The following MGMT variants were observed in gnomAD, a reference collection of about 807,000 sequenced individuals.
The protein encoded by MGMT is methylated-DNA--protein-cysteine methyltransferase.
Under a neutral mutation model 15.9 loss-of-function variants are expected in MGMT, and 14 were observed. The ratio of observed to expected loss-of-function variants is 0.88; its 90% CI spans 0.58 to 1.37. MGMT has a LOEUF of 1.37. MGMT is among the 40% of genes most tolerant of loss of function. MGMT has a pLI of 0.00. For synonymous variants in MGMT, 130 were observed against 118.2 expected, an observed-to-expected ratio of 1.10 and a Z score of -0.65; for missense variants, 282 against 268.1, an observed-to-expected ratio of 1.05 and a Z score of -0.36.
chr10:129,498,330 C>T (rs1403799117), intron 1 of MGMT, among the ~76,000 whole-genome samples: 1 of 152,090 alleles, frequency 6.6e-6, no homozygotes, highest in African/African-American at 2.4e-5. Flanking sequence ...ATTTTGAGAC[C>T]ATTTTGGTTC....
intron 2 of MGMT, among the ~76,000 whole-genome samples, chr10:129,611,480 C>T (rs1437617727): frequency 2.6e-5 from 4 of 152,228 alleles, no homozygotes; most frequent in African/African-American, 9.6e-5. Flanking sequence ...CAGGACCCTT[C>T]TCCAAGACTG....
At chr10:129,515,074 C>T (rs543120953) in intron 1 of MGMT, among the ~76,000 whole-genome samples, 5 of 152,336 alleles carry the variant, frequency 3.3e-5, no homozygotes, top group South Asian at 2.1e-4. Context: ...GCCCCTTCTC[C>T]GCTCCTCAGC....
intron 2 of MGMT, among the ~76,000 whole-genome samples, chr10:129,577,718 G>A (rs1846501782): frequency 6.6e-6 from 1 of 152,130 alleles, no homozygotes; most frequent in Non-Finnish European, 1.5e-5. Flanking sequence ...CTTCTGCACA[G>A]CAAAAGAAAC....
At chr10:129,500,588 G>A (rs377339350) in intron 1 of MGMT, among the ~76,000 whole-genome samples, 1 of 152,112 alleles carries the variant, frequency 6.6e-6, no homozygotes, top group Non-Finnish European at 1.5e-5. Context: ...TTGAGATAGA[G>A]TCTGGCTCTG....
chr10:129,560,505 A>G (rs1846264291), intron 2 of MGMT, among the ~76,000 whole-genome samples: 1 of 152,116 alleles, frequency 6.6e-6, no homozygotes, highest in Non-Finnish European at 1.5e-5. Flanking sequence ...TCGTGGCTAA[A>G]CCTATGCACT....
chr10:129,744,212 G>T (rs934770555), intron 3 of MGMT, among the ~76,000 whole-genome samples: 6 of 152,166 alleles, frequency 3.9e-5, no homozygotes, highest in African/African-American at 9.7e-5. Context: ...ACTCAGTCTG[G>T]CTCCTGGCAA....
intron 2 of MGMT, among the ~76,000 whole-genome samples, chr10:129,539,885 G>A (rs1307704579): frequency 6.6e-6 from 1 of 152,184 alleles, no homozygotes; most frequent in Non-Finnish European, 1.5e-5. Flanking sequence ...TGGCTTCTAT[G>A]TCTCTTAAGT....
intron 2 of MGMT, among the ~76,000 whole-genome samples, chr10:129,644,826 C>T (rs1847367894): frequency 6.6e-6 from 1 of 152,214 alleles, no homozygotes; most frequent in Non-Finnish European, 1.5e-5. Context: ...GTTTGTAGGG[C>T]TCACGACAGC....
At chr10:129,539,758 G>A (rs1416027622) in intron 2 of MGMT, among the ~76,000 whole-genome samples, 4 of 152,088 alleles carry the variant, frequency 2.6e-5, no homozygotes, top group Non-Finnish European at 4.4e-5. Context: ...CACCCACCTC[G>A]GCCTCCCAAA....
chr10:129,558,069 C>T (rs1021547466), intron 2 of MGMT, among the ~76,000 whole-genome samples: 2 of 152,214 alleles, frequency 1.3e-5, no homozygotes, highest in African/African-American at 2.4e-5. Context: ...AACACCACAT[C>T]ATCCCACGTG....
At chr10:129,662,561 A>T (rs1847609420) in intron 2 of MGMT, among the ~76,000 whole-genome samples, 1 of 152,202 alleles carries the variant, frequency 6.6e-6, no homozygotes, top group Non-Finnish European at 1.5e-5. Flanking sequence ...CTGCAATTCC[A>T]GCATCAGCCA....
rs185620223 is a variant in MGMT, at chr10:129,652,927, G to T, written c.126-54968G>T. On this transcript the variant is annotated intron_variant, in intron 2 of 4. Coordinates refer to ENST00000651593, the MANE Select transcript of MGMT (RefSeq NM_002412.5). ...TGCATGATGTTTTGGGACTGTGCTG[G>T]CAGCTCTGTCTTCCAGTTCCTTCCC... Among the ~76,000 whole-genome samples, 5 of 152,340 alleles carry T rather than the reference G, an allele frequency of 3.3e-5. No homozygotes were observed. The East Asian group carries it at 9.6e-4, about 29-fold the overall frequency.
At position 129,566,969 on chromosome 10, in the gene MGMT, G is replaced by A. The variant is rs893133489; in HGVS notation, c.125+30592G>A. On this transcript the variant is annotated intron_variant, in intron 2 of 4. Transcript: ENST00000651593. This position sits in a 1 kb window ranked among gnomAD's most constrained non-coding sequence, Gnocchi z 4.1. ...TGCCATCTCTCTTGGCGGGTGACAC[G>A]TAACTGTTACAAATGGGTGCCTGTC... Among the ~76,000 whole-genome samples, 13 of 152,150 alleles carry A rather than the reference G, an allele frequency of 8.5e-5. No individual in the cohort carries two copies. The highest frequency in any genetic ancestry group is 2.7e-4 in the African/African-American group (11 of 41,438).
At chr10:129,648,981 C>G (rs1847426848) in intron 2 of MGMT, among the ~76,000 whole-genome samples, 1 of 152,186 alleles carries the variant, frequency 6.6e-6, no homozygotes, top group Admixed American at 6.5e-5. Flanking sequence ...GAAAATGGCA[C>G]CACCGTGTTC....
chr10:129,759,743 A>G (rs1166169617), intron 4 of MGMT, among the ~76,000 whole-genome samples: 2 of 152,016 alleles, frequency 1.3e-5, no homozygotes, highest in Non-Finnish European at 2.9e-5. Context: ...AGAAAGGTCT[A>G]CCTGCGAGGT....
intron 3 of MGMT, among the ~76,000 whole-genome samples, chr10:129,708,772 T>C (rs1371439710): frequency 6.6e-6 from 1 of 152,256 alleles, no homozygotes; most frequent in Non-Finnish European, 1.5e-5. Flanking sequence ...ATATGATGTA[T>C]ATATGGAGTT....
intron 2 of MGMT, among the ~76,000 whole-genome samples, chr10:129,687,890 T>TC (rs959007354): frequency 4.3e-4 from 65 of 151,724 alleles, no homozygotes; most frequent in African/African-American, 1.5e-3. Flanking sequence ...ATGTTCCCCT[T>TC]CCTGTGTCCA....
rs1241039868 is a variant in MGMT, at chr10:129,766,046, CT to C, written c.415-741del. ...TGGAGGGAACAGGGATTCCCTTCCC[CT>C]GGTGGGACTGGCCATAAAGAAGCAG... On this transcript the variant is annotated intron_variant, in intron 4 of 4. Transcript: ENST00000651593. 5.3e-5 allele frequency among the ~76,000 whole-genome samples: 8 copies of C among 152,334 alleles called. No individual in the cohort carries two copies. The East Asian group carries it at 1.5e-3, about 29-fold the overall frequency.
chr10:129,719,737 G>T (rs1848347215), intron 3 of MGMT, among the ~76,000 whole-genome samples: 1 of 152,194 alleles, frequency 6.6e-6, no homozygotes, highest in Admixed American at 6.5e-5. Flanking sequence ...CAGTTGAAAT[G>T]CCGAGGGTCA....
Sources: allele counts gnomAD v4.1 joint callset (sites outside exome capture counted in the v4.1 genomes callset), GRCh38; gene constraint gnomAD v4.1.1; non-coding constraint Gnocchi (gnomAD v3.1); transcripts MANE v1.5; gene names NCBI Gene and HGNC (gene_info 2026-07-23, HGNC 2026-07-21).